SRRM3: variants seen among roughly 807,000 people sequenced by gnomAD.
SRRM3 encodes the protein serine/arginine repetitive matrix protein 3.
In SRRM3, 27 loss-of-function variants were observed where a neutral mutation model predicts 66.2. The observed-to-expected ratio is 0.41, with a 90% CI of 0.30 to 0.56. SRRM3 has a LOEUF of 0.56. Ranked by LOEUF, SRRM3 falls within the 20% of genes least tolerant of loss-of-function variation. SRRM3 has a pLI of 0.32. For missense variants in SRRM3, 918 were observed against 991.9 expected, an observed-to-expected ratio of 0.93 and a Z score of 1.00; for synonymous variants, 391 against 414.9, an observed-to-expected ratio of 0.94 and a Z score of 0.70.
intron 3 of SRRM3, among the ~76,000 whole-genome samples, chr7:76,258,324 G>A (rs1801763889): frequency 6.6e-6 from 1 of 152,186 alleles, no homozygotes; most frequent in South Asian, 2.1e-4. Context: ...AGCGGGAGGG[G>A]GCTCAGGGAC....
At chr7:76,217,255 G>A (rs2116953311) in intron 1 of SRRM3, among the ~76,000 whole-genome samples, 1 of 152,318 alleles carries the variant, frequency 6.6e-6, no homozygotes, top group East Asian at 1.9e-4. Context: ...CACACAGAAA[G>A]AGCACGGCTC....
intron 1 of SRRM3, among the ~76,000 whole-genome samples, chr7:76,233,337 T>A (rs1801057114): frequency 6.6e-6 from 1 of 152,022 alleles, no homozygotes; most frequent in Non-Finnish European, 1.5e-5. Flanking sequence ...GAAGAAGGGA[T>A]GAGGGACCCA....
chr7:76,273,457 A>G (rs1167426964), intron 11 of SRRM3: 5 of 152,090 alleles, frequency 3.3e-5, no homozygotes, highest in Non-Finnish European at 7.4e-5. Flanking sequence ...ATGAGACAAA[A>G]GCCACATTGG....
chr7:76,282,581 A>AAC, intron 12 of SRRM3, 67 bp from the exon 13 acceptor site: 2 of 579,414 alleles, frequency 3.5e-6, no homozygotes, highest in Non-Finnish European at 5.0e-6. Context: ...GCCCCAGGGA[A>AAC]CCCTCCCCGC....
chr7:76,204,799 G>T (rs1262102875), intron 1 of SRRM3, among the ~76,000 whole-genome samples: 1 of 152,170 alleles, frequency 6.6e-6, no homozygotes, highest in African/African-American at 2.4e-5. Flanking sequence ...AATGCCAGGT[G>T]CAGTGGCTCA....
At chr7:76,275,576 T>A (rs1458803971) in intron 11 of SRRM3, among the ~76,000 whole-genome samples, 4 of 151,080 alleles carry the variant, frequency 2.6e-5, no homozygotes, top group African/African-American at 9.8e-5. Context: ...TGAAGCCCCA[T>A]GAGGAAGAGG....
At chr7:76,278,087 T>A (rs1040997342) in intron 11 of SRRM3, among the ~76,000 whole-genome samples, 2 of 152,150 alleles carry the variant, frequency 1.3e-5, no homozygotes, top group Non-Finnish European at 2.9e-5. Flanking sequence ...CTGGGGGCGC[T>A]TGAAAGTTCT....
At position 76,244,281 on chromosome 7, in the gene SRRM3, T is replaced by C. The variant is rs554618912; in HGVS notation, c.234-3907T>C. 4.7e-3 allele frequency among the ~76,000 whole-genome samples: 708 copies of C among 152,148 alleles called. 3 individuals are homozygous for C. The highest frequency in any genetic ancestry group is 6.3e-3 in the Non-Finnish European group (426 of 67,970). On this transcript the variant is annotated intron_variant, in intron 2 of 14. Coordinates refer to ENST00000611745, the MANE Select transcript of SRRM3 (RefSeq NM_001110199.3). ...GGAACATGCCTGTAATCCCAGCACT[T>C]TGGGAGGCCGAGGTGGGTGGATCAT...
intron 14 of SRRM3, among the ~76,000 whole-genome samples, chr7:76,284,603 C>A (rs1554612501): frequency 1.3e-5 from 2 of 152,188 alleles, no homozygotes; most frequent in African/African-American, 4.8e-5. Context: ...TGCCAACTCA[C>A]CAGGCTGGGG....
intron 12 of SRRM3, 79 bp downstream of exon 12, chr7:76,281,881 C>G: frequency 9.3e-7 from 1 of 1,074,274 alleles, no homozygotes. Context: ...TCCCTGCCCA[C>G]GGGATCCCTC....
chr7:76,282,552 C>A (rs1802550253), intron 12 of SRRM3, 96 bp from the exon 13 acceptor site: 3 of 594,206 alleles, frequency 5.0e-6, no homozygotes, highest in South Asian at 2.7e-5. Flanking sequence ...ACGGACCCCG[C>A]CCCTCCGCCC....
At chr7:76,217,452 G>A (rs1800597753) in intron 1 of SRRM3, among the ~76,000 whole-genome samples, 1 of 152,062 alleles carries the variant, frequency 6.6e-6, no homozygotes, top group Non-Finnish European at 1.5e-5. Context: ...ACCCGGCTAA[G>A]TTTTGTATTT....
chr7:76,254,334 T>G (rs930241646), intron 3 of SRRM3, among the ~76,000 whole-genome samples: 2 of 152,124 alleles, frequency 1.3e-5, no homozygotes, highest in Non-Finnish European at 2.9e-5. Flanking sequence ...CTGGGCTGTT[T>G]TGAGATGGAG....
At chr7:76,283,459 G>GCCCCCCCCCCCCCCCCCCCCAC in intron 14 of SRRM3, 1 of 459,434 alleles carries the variant, frequency 2.2e-6, no homozygotes, top group Non-Finnish European at 4.2e-6. Context: ...TCCCTCCGGA[G>GCCCCCCCCCCCCCCCCCCCCAC]CCCCTCCCGC....
chr7:76,269,496 C>T (rs1054289024), intron 11 of SRRM3: 2 of 148,150 alleles, frequency 1.3e-5, no homozygotes, highest in East Asian at 3.9e-4. Context: ...AAACCGTCTT[C>T]GGGAAAAAAT....
intron 2 of SRRM3, among the ~76,000 whole-genome samples, chr7:76,236,613 G>A (rs573564340): frequency 6.4e-4 from 97 of 152,336 alleles, no homozygotes; most frequent in African/African-American, 2.2e-3. Context: ...CAGAGACAGC[G>A]AGTTGCTGAA....
intron 1 of SRRM3, among the ~76,000 whole-genome samples, chr7:76,213,511 G>A (rs1012439467): frequency 2.0e-5 from 3 of 152,174 alleles, no homozygotes; most frequent in Non-Finnish European, 4.4e-5. Flanking sequence ...GTTGCACCAA[G>A]GTACTGTGAG....
intron 6 of SRRM3, 39 bp from the exon 7 acceptor site, chr7:76,261,313 C>A (rs782593848): frequency 3.5e-5 from 13 of 370,398 alleles, no homozygotes; most frequent in Non-Finnish European, 5.2e-5. Flanking sequence ...CCCCACCCCC[C>A]ACCCCAGCTC....
intron 6 of SRRM3, 33 bp downstream of exon 6, chr7:76,260,936 C>T (rs1465655045): frequency 8.4e-6 from 13 of 1,551,944 alleles, no homozygotes; most frequent in African/African-American, 5.5e-5. Flanking sequence ...GGGGCCAGGG[C>T]GGGGGATGTC....
Sources: gnomAD v4.1 joint callset for allele counts (sites outside exome capture counted in the v4.1 genomes callset) on GRCh38, gnomAD v4.1.1 for gene constraint, MANE v1.5 for transcripts, NCBI Gene and HGNC (gene_info 2026-07-23, HGNC 2026-07-21) for gene names.